Variants in TMEM254 observed in about 807,000 individuals in gnomAD.
TMEM254 encodes transmembrane protein C10orf57.
TMEM254 carries 16 observed loss-of-function variants against 13.9 expected under a neutral mutation model. The observed-to-expected ratio is 1.15, with a 90% confidence interval of 0.78 to 1.75. The LOEUF is 1.75. Among genes scored for constraint, TMEM254 ranks in the 40% most tolerant of loss-of-function variants. The pLI is 0.00. For missense variants in TMEM254, 155 were observed against 149.0 expected (o/e 1.04, Z -0.21); for synonymous variants, 61 against 56.4 (o/e 1.08, Z -0.36).
rs781586126 is a variant in TMEM254, at chr10:80,081,823, T to A, written c.88-18T>A. 9 of 1,613,982 alleles carry A rather than the reference T, an allele frequency of 5.6e-6. No homozygotes were observed. In the East Asian group the frequency reaches 1.8e-4, roughly 32 times the overall value. On this transcript the variant is annotated intron_variant, in intron 1 of 3. Coordinates refer to ENST00000372281, the MANE Select transcript of TMEM254 (RefSeq NM_025125.4). ...TAAGTGACCTAATAGGTATTCTGTG[T>A]CTCTGCTTCTCTTTCAGTGGGTTGT...
intron 1 of TMEM254, chr10:80,081,525 G>A: frequency 1.5e-6 from 1 of 651,802 alleles, no homozygotes; most frequent in Admixed American, 2.9e-5. Flanking sequence ...AAAAGTAGCT[G>A]GGCATGGTGG....
intron 3 of TMEM254, among the ~76,000 whole-genome samples, chr10:80,088,412 A>C (rs1364535226): frequency 6.6e-6 from 1 of 151,722 alleles, no homozygotes; most frequent in African/African-American, 2.4e-5. Context: ...AATTTGGAGA[A>C]TATTGGCATA....
chr10:80,080,722 T>G (rs1262348560), intron 1 of TMEM254, among the ~76,000 whole-genome samples: 3 of 152,080 alleles, frequency 2.0e-5, no homozygotes, highest in African/African-American at 7.2e-5. Flanking sequence ...GCAAATCGCT[T>G]GAGCCCAGGA....
In TMEM254 at chr10:80,090,941, A is replaced by G; in HGVS notation, c.*24A>G. On this transcript the variant is annotated 3_prime_UTR_variant, in exon 4 of 4. Transcript: ENST00000372281. ...GAAGTTGTCTGAAAGCTTGCTCTAC[A>G]CTTTTACATTCATCCTCACCCTTTT... 5 of 1,611,650 alleles carry G rather than the reference A, an allele frequency of 3.1e-6. No individual in the cohort carries two copies. The South Asian group carries it at 4.4e-5, about 14-fold the overall frequency.
chr10:80,081,681 A>T, intron 1 of TMEM254, 160 bp from the exon 2 acceptor site: 1 of 1,577,380 alleles, frequency 6.3e-7, no homozygotes, highest in Non-Finnish European at 8.6e-7. Context: ...AAAAAGAAAG[A>T]AAGAAAATAG....
At chr10:80,084,378 G>A (rs1346743738) in intron 3 of TMEM254, among the ~76,000 whole-genome samples, 1 of 152,030 alleles carries the variant, frequency 6.6e-6, no homozygotes, top group Non-Finnish European at 1.5e-5. Flanking sequence ...TGTGGTACAG[G>A]GTCCCTTTTA....
intron 3 of TMEM254, 33 bp from the exon 4 acceptor site, chr10:80,090,764 T>G (rs1186090634): frequency 5.6e-6 from 9 of 1,598,940 alleles, no homozygotes; most frequent in Non-Finnish European, 7.7e-6. Flanking sequence ...AAGATTAACA[T>G]CTCGTGTTTA....
intron 3 of TMEM254, among the ~76,000 whole-genome samples, chr10:80,084,010 G>A (rs776418983): frequency 2.0e-5 from 3 of 152,076 alleles, no homozygotes; most frequent in Admixed American, 6.5e-5. Flanking sequence ...GCTTGAATCC[G>A]GGAGGCAGAG....
chr10:80,088,532 A>G (rs1196403276), intron 3 of TMEM254, among the ~76,000 whole-genome samples: 2 of 150,590 alleles, frequency 1.3e-5, no homozygotes, highest in East Asian at 3.9e-4. Flanking sequence ...ATTTATTTAG[A>G]TCTCCTTTAA....
At chr10:80,087,125 A>G (rs1844355029) in intron 3 of TMEM254, among the ~76,000 whole-genome samples, 1 of 152,088 alleles carries the variant, frequency 6.6e-6, no homozygotes, top group Admixed American at 6.6e-5. Flanking sequence ...GTCTATGTCT[A>G]TACATATAAA....
rs193023285 is a variant in TMEM254 at position 80,085,575 on chromosome 10, A to C, written c.251+3371A>C. On this transcript the variant is annotated intron_variant, in intron 3 of 3. Transcript: ENST00000372281. ...AAGTGAGACTCTGTCTCAAAAAAAA[A>C]AAAGACAAGAAAAAGAAAGTGCCAT... 2.3e-3 allele frequency among the ~76,000 whole-genome samples: 345 copies of C among 152,166 alleles called. 1 individual carries two copies. Among genetic ancestry groups the C allele is most frequent in the Non-Finnish European group, 4.2e-3 (285 of 68,008 alleles).
At position 80,091,709 on chromosome 10, in the gene TMEM254, A is replaced by G. The variant is rs1844579937; in HGVS notation, c.*792A>G. 1 of 152,210 alleles carries G rather than the reference A, an allele frequency of 6.6e-6. No homozygotes were observed. Among genetic ancestry groups the G allele is most frequent in the Admixed American group, 6.5e-5 (1 of 15,286 alleles). 9.4% of individuals were successfully genotyped at this position (152,210 alleles called of 1,614,324 possible). On this transcript the variant is annotated 3_prime_UTR_variant, in exon 4 of 4. Transcript: ENST00000372281. The stretch of plus-strand genomic sequence containing the variant: ...TACCTTTCCCCTCAGCACCTGTCCC[A>G]CTATCTTGCACACAGGTGCTCTAAC...
intron 3 of TMEM254, among the ~76,000 whole-genome samples, chr10:80,088,949 T>C (rs918038736): frequency 3.3e-5 from 5 of 150,160 alleles, no homozygotes; most frequent in African/African-American, 1.2e-4. Flanking sequence ...TCTAGCTCTG[T>C]CGCCCAGACT....
intron 1 of TMEM254, chr10:80,079,221 T>G (rs1261904113): frequency 8.7e-6 from 11 of 1,270,882 alleles, no homozygotes; most frequent in Non-Finnish European, 1.1e-5. Flanking sequence ...GCCTCTGTTT[T>G]GGCCCGCCGG....
intron 3 of TMEM254, among the ~76,000 whole-genome samples, chr10:80,087,936 A>G (rs1469387598): frequency 8.1e-6 from 1 of 122,812 alleles, no homozygotes; most frequent in African/African-American, 3.1e-5. Context: ...AAGTTTATCA[A>G]TGTAGTCAGT....
At chr10:80,089,502 C>T (rs1844470690) in intron 3 of TMEM254, among the ~76,000 whole-genome samples, 1 of 152,048 alleles carries the variant, frequency 6.6e-6, no homozygotes, top group South Asian at 2.1e-4. Context: ...AAGACACTGT[C>T]TCTACAAAAA....
intron 1 of TMEM254, chr10:80,081,639 G>A (rs1223798248): frequency 1.3e-6 from 2 of 1,512,404 alleles, no homozygotes; most frequent in Non-Finnish European, 1.8e-6. Flanking sequence ...CTGCACTCCA[G>A]CCCCAGCAGC....
At chr10:80,084,619 A>G (rs1237111792) in intron 3 of TMEM254, among the ~76,000 whole-genome samples, 1 of 152,082 alleles carries the variant, frequency 6.6e-6, no homozygotes, top group Non-Finnish European at 1.5e-5. Context: ...TGTTGAGGCC[A>G]TTCTCTGGGC....
chr10:80,080,863 T>C (rs1403567775), intron 1 of TMEM254, among the ~76,000 whole-genome samples: 2 of 152,134 alleles, frequency 1.3e-5, no homozygotes, highest in African/African-American at 4.8e-5. Context: ...GCGGATCACC[T>C]GATGTCAGGA....
Sources: allele counts gnomAD v4.1 joint callset (sites outside exome capture counted in the v4.1 genomes callset), GRCh38; gene constraint gnomAD v4.1.1; transcripts MANE v1.5; gene names NCBI Gene and HGNC (gene_info 2026-07-23, HGNC 2026-07-21).